The following CYP20A1 variants were observed in gnomAD, a reference collection of about 807,000 sequenced individuals.
CYP20A1 encodes cytochrome P450 family 20 subfamily A member 1.
Under a neutral mutation model 61.4 loss-of-function variants are expected in CYP20A1, and 61 were observed. The ratio of observed to expected loss-of-function variants is 0.99; its 90% CI spans 0.81 to 1.23. CYP20A1 has a LOEUF of 1.23. Among genes scored for constraint, CYP20A1 ranks in the 50% most tolerant of loss-of-function variants. The pLI, the probability that CYP20A1 is intolerant of heterozygous loss-of-function variation, is 0.00. For missense variants in CYP20A1, 530 were observed against 542.4 expected (o/e 0.98, Z 0.23); for synonymous variants, 193 against 188.2 (o/e 1.03, Z -0.21).
In CYP20A1 at chr2:203,303,627, G is replaced by C. The variant is rs954311798; in HGVS notation, c.*6719G>C. On this transcript the variant is annotated 3_prime_UTR_variant, in exon 13 of 13. Transcript: ENST00000356079. ...GGAGAATCGCTTGAACCCAAGAGTCGGAGGTTGCAGTGAGCCGAGATCGCG... is the reference window on the plus strand; with the variant it reads ...GGAGAATCGCTTGAACCCAAGAGTCCGAGGTTGCAGTGAGCCGAGATCGCG... 6.6e-6 allele frequency among the ~76,000 whole-genome samples: 1 copy of C among 151,896 alleles called. No homozygotes were observed. Among genetic ancestry groups the C allele is most frequent in the Admixed American group, 6.6e-5 (1 of 15,222 alleles).
At chr2:203,285,551 A>T in intron 8 of CYP20A1, 61 bp from the exon 9 acceptor site, 1 of 1,438,934 alleles carries the variant, frequency 6.9e-7, no homozygotes, top group Non-Finnish European at 9.1e-7. Flanking sequence ...TTTTTTTCTT[A>T]TTCTATACCC....
At chr2:203,250,086 T>A (rs1282282633) in intron 3 of CYP20A1, among the ~76,000 whole-genome samples, 3 of 152,206 alleles carry the variant, frequency 2.0e-5, no homozygotes, top group Non-Finnish European at 4.4e-5. Flanking sequence ...AAGTTGACAG[T>A]AACCATTGAC....
At position 203,289,751 on chromosome 2, in the gene CYP20A1, T is replaced by A. The variant is rs750490071; in HGVS notation, c.972-14T>A. The A allele has an allele frequency of 1.5e-5, 23 of 1,509,984 alleles. No individual in the cohort carries two copies. Among genetic ancestry groups the A allele is most frequent in the Middle Eastern group, 1.7e-4 (1 of 5,734 alleles). The allele number at this position is 1,509,984 out of a possible 1,614,324, so 93.5% of individuals were successfully genotyped here. A position where few individuals can be genotyped will look rare whatever the true frequency, so the allele number is the denominator to read the frequency against. On this transcript the variant is annotated splice_polypyrimidine_tract_variant and intron_variant, in intron 9 of 12. Transcript: ENST00000356079. Reference sequence around the variant, plus strand: ...CCAAAATAAACATCTTCAAAAAAAATTTTTTTAAAACAGATATTGTCAGCA... The same window carrying A: ...CCAAAATAAACATCTTCAAAAAAAAATTTTTTAAAACAGATATTGTCAGCA...
At chr2:203,246,085 G>A (rs948462530) in intron 2 of CYP20A1, among the ~76,000 whole-genome samples, 190 bp downstream of exon 2, 1 of 152,100 alleles carries the variant, frequency 6.6e-6, no homozygotes, top group East Asian at 1.9e-4. Flanking sequence ...CAGCCTAGGC[G>A]ACAGAGCCAG....
At chr2:203,251,815 A>ATATATATG (rs377306363) in intron 3 of CYP20A1, 152 bp from the exon 4 acceptor site, 1,032 of 86,406 alleles carry the variant, frequency 0.012, 43 homozygotes, top group Non-Finnish European at 0.015. Context: ...ATATATATAT[A>ATATATATG]TAAAAAATAA....
intron 11 of CYP20A1, among the ~76,000 whole-genome samples, chr2:203,294,191 T>C (rs2152113007): frequency 6.6e-6 from 1 of 152,166 alleles, no homozygotes; most frequent in Non-Finnish European, 1.5e-5. Flanking sequence ...TTTATTTTTT[T>C]CGAGACAGAA....
At chr2:203,251,295 A>T (rs1270374204) in intron 3 of CYP20A1, among the ~76,000 whole-genome samples, 2 of 151,660 alleles carry the variant, frequency 1.3e-5, no homozygotes, top group Non-Finnish European at 2.9e-5. Context: ...GATAACCACA[A>T]ATCACAAACT....
rs1193618566 is a variant in CYP20A1 at position 203,297,342 on chromosome 2, G to A, written c.*434G>A. ...CCTACACTTTGGGAGGCTGAGGCAGGTGGATCACCTGAGGTCCAGAGTTTG... is the reference window on the plus strand; with the variant it reads ...CCTACACTTTGGGAGGCTGAGGCAGATGGATCACCTGAGGTCCAGAGTTTG... On this transcript the variant is annotated 3_prime_UTR_variant, in exon 13 of 13. Coordinates refer to ENST00000356079, the MANE Select transcript of CYP20A1 (RefSeq NM_177538.3). 6.3e-6 allele frequency: 1 copy of A among 157,638 alleles called. No homozygotes were observed. Among genetic ancestry groups the A allele is most frequent in the Non-Finnish European group, 1.4e-5 (1 of 71,858 alleles). 9.8% of individuals were successfully genotyped at this position (157,638 alleles called of 1,614,324 possible).
At chr2:203,290,076 G>A (rs1448736494) in intron 10 of CYP20A1, among the ~76,000 whole-genome samples, 200 bp downstream of exon 10, 2 of 152,036 alleles carry the variant, frequency 1.3e-5, no homozygotes, top group South Asian at 2.1e-4. Flanking sequence ...GAGTAGCGGG[G>A]ATTACAGGCG....
At chr2:203,284,737 CT>C (rs748438150) in intron 8 of CYP20A1, among the ~76,000 whole-genome samples, 1,060 of 99,094 alleles carry the variant, frequency 0.011, 6 homozygotes, top group African/African-American at 0.043. Flanking sequence ...AGAACCACTG[CT>C]TTTTTTTTTT....
chr2:203,257,283 G>A (rs1474980965), intron 4 of CYP20A1, among the ~76,000 whole-genome samples: 1 of 149,712 alleles, frequency 6.7e-6, no homozygotes, highest in South Asian at 2.1e-4. Flanking sequence ...TTGCGCCACT[G>A]CACTCTAGCC....
Position 203,252,030 on chromosome 2 carries a change from G to A in CYP20A1, c.353G>A (p.Ser118Asn). 1 of 1,611,286 alleles carries A rather than the reference G, an allele frequency of 6.2e-7. No individual in the cohort carries two copies. The highest frequency in any genetic ancestry group is 8.5e-7 in the Non-Finnish European group (1 of 1,178,662). The change falls in exon 4 of 13, where the codon AGT (serine) becomes AAT (asparagine). Residue 118 changes from serine to asparagine, a missense_variant. Transcript: ENST00000356079. ...LRYQSGGGSV[S>N]ENHMRKKLYE... Reference sequence around the variant, plus strand: ...TATCAATCTGGTGGTGGCAGTGTGAGTGAAAACCACATGAGGAAAAAATTG... The same window carrying A: ...TATCAATCTGGTGGTGGCAGTGTGAATGAAAACCACATGAGGAAAAAATTG...
chr2:203,291,992 T>C (rs189441384), intron 10 of CYP20A1, among the ~76,000 whole-genome samples: 2 of 152,198 alleles, frequency 1.3e-5, no homozygotes. Context: ...TCCATGTCCC[T>C]ACAAAGGACA....
At position 203,298,715 on chromosome 2, in the gene CYP20A1, A is replaced by T. The variant is rs1440802148; in HGVS notation, c.*1807A>T. Reference sequence around the variant, plus strand: ...ACTCATTCTCAAAAAAAAAAAAAAAAGGAGGTGGGGAGAGCTATTTCAAGA... The same window carrying T: ...ACTCATTCTCAAAAAAAAAAAAAAATGGAGGTGGGGAGAGCTATTTCAAGA... On this transcript the variant is annotated 3_prime_UTR_variant, in exon 13 of 13. Transcript: ENST00000356079. 1.3e-5 allele frequency among the ~76,000 whole-genome samples: 2 copies of T among 148,626 alleles called. No homozygotes were observed. Among genetic ancestry groups the T allele is most frequent in the African/African-American group, 4.9e-5 (2 of 40,426 alleles).
At chr2:203,259,362 A>T (rs1340294297) in intron 4 of CYP20A1, among the ~76,000 whole-genome samples, 1 of 152,076 alleles carries the variant, frequency 6.6e-6, no homozygotes, top group Non-Finnish European at 1.5e-5. Flanking sequence ...GGCTTGGTGG[A>T]AGGTGATTGG....
At position 203,251,983 on chromosome 2, in the gene CYP20A1, C is replaced by T. The variant is rs755474322; in HGVS notation, c.306C>T (p.Thr102=). 2 of 1,574,390 alleles carry T rather than the reference C, an allele frequency of 1.3e-6. No homozygotes were observed. The highest frequency in any genetic ancestry group is 1.8e-5 in the Admixed American group (1 of 56,360). ...NPNKTSDPFE[T]MLKSLLRYQS... Reference sequence around the variant, plus strand: ...CTGTTTCAGCGGACCCTTTTGAAACCATGCTGAAGTCATTATTAAGGTATC... The same window carrying T: ...CTGTTTCAGCGGACCCTTTTGAAACTATGCTGAAGTCATTATTAAGGTATC... The change falls in exon 4 of 13, where the codon ACC becomes ACT. Residue 102 remains threonine, a synonymous_variant. Transcript: ENST00000356079.
rs923274350 is a variant in CYP20A1 at position 203,300,784 on chromosome 2, G to C, written c.*3876G>C. Among the ~76,000 whole-genome samples the C allele has an allele frequency of 4.0e-5, 6 of 151,018 alleles. No homozygotes were observed. The highest frequency in any genetic ancestry group is 1.5e-4 in the African/African-American group (6 of 40,902). The stretch of plus-strand genomic sequence containing the variant: ...CATCCCTGTAATCCTAGCTACTTGA[G>C]ACGCTGAGGCAGGAAAATTGCTTGA... On this transcript the variant is annotated 3_prime_UTR_variant, in exon 13 of 13. Transcript: ENST00000356079.
At position 203,304,342 on chromosome 2, in the gene CYP20A1, C is replaced by T. The variant is rs1223553996; in HGVS notation, c.*7434C>T. On this transcript the variant is annotated 3_prime_UTR_variant, in exon 13 of 13. Coordinates refer to ENST00000356079, the MANE Select transcript of CYP20A1 (RefSeq NM_177538.3). The stretch of plus-strand genomic sequence containing the variant: ...CCTCCCGAGTAGCTGCGACTACAGG[C>T]GAGTGCCTCCATGCCCAGCTAATTT... 1.3e-5 allele frequency among the ~76,000 whole-genome samples: 2 copies of T among 152,098 alleles called. No individual in the cohort carries two copies. The highest frequency in any genetic ancestry group is 1.9e-4 in the East Asian group (1 of 5,186).
At chr2:203,243,724 CTG>C (rs1483154195) in intron 1 of CYP20A1, among the ~76,000 whole-genome samples, 1 of 127,592 alleles carries the variant, frequency 7.8e-6, no homozygotes, top group Non-Finnish European at 1.6e-5. Context: ...GGGTCTCACT[CTG>C]TCACCCAGGC....
Sources: allele counts gnomAD v4.1 joint callset (sites outside exome capture counted in the v4.1 genomes callset), GRCh38; gene constraint gnomAD v4.1.1; transcripts MANE v1.5; gene names NCBI Gene and HGNC (gene_info 2026-07-23, HGNC 2026-07-21).